Variants in ABCC1 observed in about 807,000 individuals in gnomAD.
ABCC1 encodes multidrug resistance-associated protein 1.
ABCC1 carries 83 observed loss-of-function variants against 172.9 expected under a neutral mutation model. The observed-to-expected ratio is 0.48, with a 90% CI of 0.40 to 0.58. The LOEUF is 0.58. ABCC1 is among the 20% of genes least tolerant of loss of function. ABCC1 has a pLI of 0.00. For synonymous variants in ABCC1, 937 were observed against 825.2 expected, an observed-to-expected ratio of 1.14 and a Z score of -2.32; for missense variants, 1,817 against 2,002.7, an observed-to-expected ratio of 0.91 and a Z score of 1.77.
chr16:15,993,274 G>A (rs953729934), intron 1 of ABCC1, among the ~76,000 whole-genome samples: 1 of 152,166 alleles, frequency 6.6e-6, no homozygotes, highest in African/African-American at 2.4e-5. Flanking sequence ...GCACTTATCT[G>A]TGTTAATCCG....
chr16:16,076,191 T>A, intron 14 of ABCC1, 135 bp from the exon 15 acceptor site: 7 of 804,758 alleles, frequency 8.7e-6, no homozygotes, highest in Non-Finnish European at 1.4e-5. Flanking sequence ...GTGGCTGATG[T>A]CACCAGATAA....
At chr16:16,064,606 T>C (rs2050045928) in intron 12 of ABCC1, among the ~76,000 whole-genome samples, 1 of 152,246 alleles carries the variant, frequency 6.6e-6, no homozygotes, top group Non-Finnish European at 1.5e-5. Context: ...TGGTACGTTT[T>C]GGTGGTGAGA....
chr16:15,985,274 C>T (rs967211542), intron 1 of ABCC1, among the ~76,000 whole-genome samples: 22 of 152,278 alleles, frequency 1.4e-4, no homozygotes, highest in Admixed American at 2.0e-4. Flanking sequence ...GGGCAGAACC[C>T]GGGGCTTCAC....
At chr16:15,966,575 A>G (rs2046247410) in intron 1 of ABCC1, among the ~76,000 whole-genome samples, 1 of 151,924 alleles carries the variant, frequency 6.6e-6, no homozygotes, top group African/African-American at 2.4e-5. Context: ...AGGCTTCACT[A>G]ATTTACTAAC....
intron 25 of ABCC1, 142 bp downstream of exon 25, chr16:16,125,057 C>T: frequency 8.1e-7 from 1 of 1,227,284 alleles, no homozygotes; most frequent in Non-Finnish European, 1.1e-6. Flanking sequence ...TACAGTGCCA[C>T]AGTGCCTGGT....
chr16:16,051,696 G>A (rs1474631904), intron 10 of ABCC1, among the ~76,000 whole-genome samples: 1 of 152,100 alleles, frequency 6.6e-6, no homozygotes, highest in African/African-American at 2.4e-5. Context: ...CACATAAGCA[G>A]CCTTTGCTTG....
intron 5 of ABCC1, among the ~76,000 whole-genome samples, chr16:16,018,213 A>G (rs2151771690): frequency 6.6e-6 from 1 of 152,250 alleles, no homozygotes; most frequent in East Asian, 1.9e-4. Flanking sequence ...GGTGGGCATC[A>G]GTATGGAGGA....
chr16:16,119,410 C>T (rs779349704), intron 23 of ABCC1, among the ~76,000 whole-genome samples: 5 of 152,180 alleles, frequency 3.3e-5, no homozygotes, highest in Non-Finnish European at 5.9e-5. Context: ...CAGTGCACTT[C>T]AGCCTTGGTG....
intron 21 of ABCC1, 59 bp downstream of exon 21, chr16:16,106,932 A>C (rs1204472948): frequency 8.1e-6 from 13 of 1,605,508 alleles, no homozygotes; most frequent in Admixed American, 3.4e-5. Context: ...CCCACTGTGC[A>C]CTGGGCACTG....
chr16:15,950,086 GT>G (rs925193462), intron 1 of ABCC1, among the ~76,000 whole-genome samples: 3 of 152,062 alleles, frequency 2.0e-5, no homozygotes, highest in African/African-American at 7.2e-5. Context: ...AGGCCTTCCT[GT>G]TTTGGGGTTC....
At chr16:16,141,116 G>A in intron 30 of ABCC1, 57 bp from the exon 31 acceptor site, 1 of 1,517,536 alleles carries the variant, frequency 6.6e-7, no homozygotes, top group Admixed American at 1.7e-5. Context: ...GTTGTCCCAG[G>A]GGCACGAGGT....
At chr16:16,006,441 A>AT (rs2047534884) in intron 1 of ABCC1, among the ~76,000 whole-genome samples, 1 of 152,126 alleles carries the variant, frequency 6.6e-6, no homozygotes, top group Non-Finnish European at 1.5e-5. Flanking sequence ...AAAAAGAAAA[A>AT]TTTAAATTCT....
intron 1 of ABCC1, among the ~76,000 whole-genome samples, chr16:15,957,117 T>C (rs948799155): frequency 3.3e-5 from 5 of 152,060 alleles, no homozygotes; most frequent in African/African-American, 1.2e-4. Context: ...TCTTGCTCTG[T>C]CACCCAGGCT....
At chr16:16,128,444 C>T (rs1357979273) in intron 26 of ABCC1, among the ~76,000 whole-genome samples, 7 of 152,122 alleles carry the variant, frequency 4.6e-5, no homozygotes, top group African/African-American at 1.4e-4. Flanking sequence ...CCACCACACC[C>T]GGCCTGAGTT....
intron 19 of ABCC1, among the ~76,000 whole-genome samples, chr16:16,097,294 G>A (rs1386124018): frequency 1.3e-5 from 2 of 152,142 alleles, no homozygotes; most frequent in Non-Finnish European, 2.9e-5. Flanking sequence ...TGTATTTTTA[G>A]TAGAGACGGC....
chr16:15,970,231 GT>G (rs1320527295), intron 1 of ABCC1, among the ~76,000 whole-genome samples: 2 of 152,166 alleles, frequency 1.3e-5, no homozygotes, highest in Non-Finnish European at 2.9e-5. Flanking sequence ...CTCCCATCTT[GT>G]TGCTCTGCTG....
intron 1 of ABCC1, among the ~76,000 whole-genome samples, chr16:15,977,774 A>G (rs756277265): frequency 7.9e-5 from 12 of 152,224 alleles, no homozygotes; most frequent in Non-Finnish European, 1.8e-4. Flanking sequence ...TACTTACTTC[A>G]AGAAGCCTGC....
intron 18 of ABCC1, 114 bp downstream of exon 18, chr16:16,087,105 G>A (rs2051040421): frequency 1.7e-6 from 2 of 1,210,884 alleles, no homozygotes; most frequent in Non-Finnish European, 2.3e-6. Flanking sequence ...TTTTTAATTG[G>A]ACTTTAAAGA....
chr16:16,031,875 AT>A (rs1248278101), intron 5 of ABCC1, among the ~76,000 whole-genome samples: 4 of 146,150 alleles, frequency 2.7e-5, no homozygotes, highest in African/African-American at 9.8e-5. Context: ...CATTTGATGC[AT>A]GTCTCTCTCT....
Sources: allele counts gnomAD v4.1 joint callset (sites outside exome capture counted in the v4.1 genomes callset), GRCh38; gene constraint gnomAD v4.1.1; transcripts MANE v1.5; gene names NCBI Gene and HGNC (gene_info 2026-07-23, HGNC 2026-07-21).